Variants in DBT observed in about 807,000 individuals in gnomAD.
The protein encoded by DBT is dihydrolipoamide branched chain transacylase E2, also known as lipoamide acyltransferase component of branched-chain alpha-keto acid dehydrogenase complex, mitochondrial.
Under a neutral mutation model 51.3 loss-of-function variants are expected in DBT, and 40 were observed. The ratio of observed to expected loss-of-function variants is 0.78; its 90% CI spans 0.61 to 1.02. The LOEUF is 1.02. DBT is among the 50% of genes least tolerant of loss of function. DBT has a pLI of 0.00. For synonymous variants in DBT, 181 were observed against 190.4 expected, an observed-to-expected ratio of 0.95 and a Z score of 0.41; for missense variants, 510 against 580.2, an observed-to-expected ratio of 0.88 and a Z score of 1.24.
intron 1 of DBT, among the ~76,000 whole-genome samples, chr1:100,247,793 CTG>C (rs1388448841): frequency 6.6e-6 from 1 of 150,854 alleles, no homozygotes; most frequent in Non-Finnish European, 1.5e-5. Flanking sequence ...ACGGCAGACA[CTG>C]TGAGAAGACT....
At chr1:100,213,965 AAAG>A (rs1288133283) in intron 7 of DBT, among the ~76,000 whole-genome samples, 23 of 135,448 alleles carry the variant, frequency 1.7e-4, no homozygotes, top group East Asian at 4.9e-4. Flanking sequence ...AAAAAAAAAA[AAAG>A]AGAGAGATAA....
At chr1:100,222,264 A>C (rs1662893104) in intron 4 of DBT, among the ~76,000 whole-genome samples, 1 of 152,220 alleles carries the variant, frequency 6.6e-6, no homozygotes, top group African/African-American at 2.4e-5. Flanking sequence ...TTTTATGTCA[A>C]AGAGCTTTTC....
chr1:100,228,945 T>A (rs1009415812), intron 4 of DBT, among the ~76,000 whole-genome samples: 14 of 152,190 alleles, frequency 9.2e-5, no homozygotes, highest in Non-Finnish European at 1.8e-4. Context: ...TTGTGAACAT[T>A]AGGGTTTTTG....
intron 4 of DBT, 48 bp from the exon 5 acceptor site, chr1:100,218,795 T>G (rs1298511474): frequency 6.4e-7 from 1 of 1,574,746 alleles, no homozygotes; most frequent in Non-Finnish European, 8.7e-7. Context: ...AATTTTTTTT[T>G]TTTACTAAGA....
chr1:100,249,062 TC>T, intron 1 of DBT: 2 of 985,160 alleles, frequency 2.0e-6, no homozygotes, highest in Non-Finnish European at 2.4e-6. Context: ...TTTTGTAAGA[TC>T]GGGGTCACCA....
intron 1 of DBT, among the ~76,000 whole-genome samples, chr1:100,244,362 T>A (rs1053497772): frequency 2.0e-5 from 3 of 152,156 alleles, no homozygotes; most frequent in Non-Finnish European, 4.4e-5. Context: ...ATGACTATAA[T>A]GTCAGTATAA....
At chr1:100,213,292 C>T in intron 7 of DBT, 1 of 1,427,178 alleles carries the variant, frequency 7.0e-7, no homozygotes, top group Non-Finnish European at 9.1e-7. Context: ...GCCGGGCCGC[C>T]ATGGACCACA....
intron 6 of DBT, among the ~76,000 whole-genome samples, 154 bp from the exon 7 acceptor site, chr1:100,215,137 C>T (rs551968196): frequency 1.3e-5 from 2 of 151,670 alleles, no homozygotes; most frequent in East Asian, 1.9e-4. Flanking sequence ...TTACATTACA[C>T]TGAAAGTCAC....
chr1:100,207,768 G>A (rs1557944849), intron 8 of DBT, among the ~76,000 whole-genome samples: 1 of 151,490 alleles, frequency 6.6e-6, no homozygotes, highest in Non-Finnish European at 1.5e-5. Context: ...GACCTCAAGA[G>A]TTTTAGGTTA....
At position 100,195,728 on chromosome 1, in the gene DBT, G is replaced by A. The variant is rs954602113; in HGVS notation, c.*527C>T. 6.7e-5 allele frequency: 11 copies of A among 163,256 alleles called. No homozygotes were observed. The highest frequency in any genetic ancestry group is 2.4e-4 in the African/African-American group (10 of 41,460). 10.1% of individuals were successfully genotyped at this position (163,256 alleles called of 1,614,324 possible). A position where few individuals can be genotyped will look rare whatever the true frequency, so the allele number is the denominator to read the frequency against. On this transcript the variant is annotated 3_prime_UTR_variant, in exon 11 of 11. Transcript: ENST00000370132. ...CGCCCAGGCTGGAGTGCAATAGCACGATCTCAGCTCACTGCAACCTCCACC... is the reference window on the plus strand; with the variant it reads ...CGCCCAGGCTGGAGTGCAATAGCACAATCTCAGCTCACTGCAACCTCCACC...
intron 1 of DBT, among the ~76,000 whole-genome samples, chr1:100,246,371 T>C (rs1233279117): frequency 6.6e-6 from 1 of 152,212 alleles, no homozygotes; most frequent in East Asian, 1.9e-4. Flanking sequence ...TTAATAATAA[T>C]TCAATAGGCA....
At chr1:100,205,862 T>C (rs1435358599) in intron 10 of DBT, among the ~76,000 whole-genome samples, 1 of 151,750 alleles carries the variant, frequency 6.6e-6, no homozygotes, top group Non-Finnish European at 1.5e-5. Flanking sequence ...CACTCATAAG[T>C]GGGAGTTGAA....
intron 7 of DBT, 72 bp from the exon 8 acceptor site, chr1:100,210,843 AGG>A: frequency 6.3e-7 from 1 of 1,592,406 alleles, no homozygotes; most frequent in Non-Finnish European, 8.6e-7. Flanking sequence ...AAACAATAAG[AGG>A]TATAAAAGGA....
At chr1:100,197,372 T>G (rs753397500) in intron 10 of DBT, among the ~76,000 whole-genome samples, 2 of 152,168 alleles carry the variant, frequency 1.3e-5, no homozygotes, top group Non-Finnish European at 2.9e-5. Flanking sequence ...GGCCATTCAC[T>G]GAAAGAGGAC....
In DBT at chr1:100,189,527, G is replaced by C. The variant is rs376170200; in HGVS notation, c.*6728C>G. On this transcript the variant is annotated 3_prime_UTR_variant, in exon 11 of 11. Coordinates refer to ENST00000370132, the MANE Select transcript of DBT (RefSeq NM_001918.5). ...TAAAGCATTGGAATGAATGTCTGTA[G>C]ATCAGGACAGAGGTGGGTTCAGAGA... 2.6e-5 allele frequency: 4 copies of C among 152,140 alleles called. No homozygotes were observed. Among genetic ancestry groups the C allele is most frequent in the African/African-American group, 9.7e-5 (4 of 41,398 alleles). 9.4% of individuals were successfully genotyped at this position (152,140 alleles called of 1,614,324 possible).
At chr1:100,219,320 C>G (rs941329154) in intron 4 of DBT, among the ~76,000 whole-genome samples, 4 of 151,800 alleles carry the variant, frequency 2.6e-5, no homozygotes, top group South Asian at 2.1e-4. Context: ...TCACTGCACT[C>G]CAGCCTGGAT....
At chr1:100,227,618 G>A (rs986997853) in intron 4 of DBT, among the ~76,000 whole-genome samples, 1 of 152,030 alleles carries the variant, frequency 6.6e-6, no homozygotes, top group African/African-American at 2.4e-5. Context: ...TAATTTTCTG[G>A]TTACAAAAGG....
chr1:100,248,012 G>C (rs1254528146), intron 1 of DBT, among the ~76,000 whole-genome samples: 1 of 149,104 alleles, frequency 6.7e-6, no homozygotes, highest in Non-Finnish European at 1.5e-5. Context: ...TGAGGCAAAA[G>C]AATCGCTTGA....
At chr1:100,241,111 G>A (rs767493629) in intron 1 of DBT, among the ~76,000 whole-genome samples, 11 of 151,994 alleles carry the variant, frequency 7.2e-5, no homozygotes, top group Non-Finnish European at 1.6e-4. Context: ...CAGCTTATAG[G>A]TATGCTTAAG....
Sources: allele counts gnomAD v4.1 joint callset (sites outside exome capture counted in the v4.1 genomes callset), GRCh38; gene constraint gnomAD v4.1.1; transcripts MANE v1.5; gene names NCBI Gene and HGNC (gene_info 2026-07-23, HGNC 2026-07-21).